The following CEP63 variants were observed in gnomAD, a reference collection of about 807,000 sequenced individuals.
CEP63 encodes the protein centrosomal protein of 63 kDa.
Under a neutral mutation model 89.1 loss-of-function variants are expected in CEP63, and 84 were observed. That is an observed-to-expected ratio of 0.94 (90% CI 0.79 to 1.13). The LOEUF (loss-of-function observed/expected upper bound fraction) is 1.13, where lower values mean the gene tolerates loss of function less well. Ranked by LOEUF, CEP63 falls within the 50% of genes most tolerant of loss-of-function variation. The pLI, the probability that CEP63 is intolerant of heterozygous loss-of-function variation, is 0.00. For missense variants in CEP63, 838 were observed against 813.3 expected, an observed-to-expected ratio of 1.03 and a Z score of -0.37; for synonymous variants, 267 against 272.5, an observed-to-expected ratio of 0.98 and a Z score of 0.20.
At chr3:134,553,328 A>G (rs912437521) in intron 12 of CEP63, 1 of 152,180 alleles carries the variant, frequency 6.6e-6, no homozygotes, top group Non-Finnish European at 1.5e-5. Flanking sequence ...TCATGACGCC[A>G]TAGAGGATTT....
chr3:134,505,869 T>C (rs189038621), intron 2 of CEP63, among the ~76,000 whole-genome samples: 95 of 152,302 alleles, frequency 6.2e-4, no homozygotes, highest in Middle Eastern at 3.4e-3. Context: ...CTCACTGCAG[T>C]TTAAAAAACT....
the CEP63 span, among the ~76,000 whole-genome samples, chr3:134,668,703 G>A: frequency 3.0e-4 from 45 of 152,054 alleles, no homozygotes; most frequent in Non-Finnish European, 6.5e-4. Flanking sequence ...TCTTTTAACT[G>A]AACTCTATGG....
chr3:134,535,794 A>G (rs1950659957), intron 5 of CEP63: 1 of 152,204 alleles, frequency 6.6e-6, no homozygotes, highest in Non-Finnish European at 1.5e-5. Flanking sequence ...CCTCGGAGTC[A>G]TCCTAGACTT....
chr3:134,630,271 G>C, the CEP63 span, among the ~76,000 whole-genome samples: 1 of 152,162 alleles, frequency 6.6e-6, no homozygotes, highest in African/African-American at 2.4e-5. Flanking sequence ...CAGCCCCCAG[G>C]CAATTCTCTT....
At chr3:134,725,479 C>T in the CEP63 span, among the ~76,000 whole-genome samples, 1 of 152,136 alleles carries the variant, frequency 6.6e-6, no homozygotes, top group East Asian at 1.9e-4. Context: ...CACCCAACCC[C>T]CAACAAGAGC....
In CEP63 at chr3:134,547,489, A is replaced by G. The variant is rs1333020195; in HGVS notation, c.1067+17A>G. On this transcript the variant is annotated intron_variant, in intron 9 of 14. Transcript: ENST00000675561. ...TGAAGGCAGGTACATAATTATACAC[A>G]CATTTCAAAAATTTCAAGTTGTTAA... The G allele has an allele frequency of 2.5e-6, 4 of 1,609,898 alleles. No homozygotes were observed. The highest frequency in any genetic ancestry group is 3.4e-6 in the Non-Finnish European group (4 of 1,176,478).
At chr3:134,756,730 A>G in the CEP63 span, among the ~76,000 whole-genome samples, 1 of 152,096 alleles carries the variant, frequency 6.6e-6, no homozygotes, top group Non-Finnish European at 1.5e-5. Flanking sequence ...GCTATCTAAT[A>G]CATTTGAGAA....
At chr3:134,658,770 T>G in the CEP63 span, among the ~76,000 whole-genome samples, 1 of 152,288 alleles carries the variant, frequency 6.6e-6, no homozygotes, top group East Asian at 1.9e-4. Context: ...ATCTGGAGCA[T>G]GAATTTGGGG....
chr3:134,686,464 A>T, the CEP63 span, among the ~76,000 whole-genome samples: 7 of 152,326 alleles, frequency 4.6e-5, no homozygotes, highest in African/African-American at 1.7e-4. Context: ...GGTACTGGCC[A>T]AGAGTCTTCT....
intron 3 of CEP63, among the ~76,000 whole-genome samples, chr3:134,514,018 ATAG>A (rs1434987094): frequency 6.6e-6 from 1 of 152,210 alleles, no homozygotes; most frequent in African/African-American, 2.4e-5. Context: ...CAAAGGAAAA[ATAG>A]TAGAAGCAGC....
At chr3:134,572,248 T>A (rs544601524) in intron 11 of CEP63, among the ~76,000 whole-genome samples, 6 of 152,350 alleles carry the variant, frequency 3.9e-5, no homozygotes, top group South Asian at 2.1e-4. Context: ...AGTCTTTTTT[T>A]AAAAAATAAT....
At chr3:134,625,340 C>T in the CEP63 span, among the ~76,000 whole-genome samples, 50,155 of 152,180 alleles carry the variant, frequency 0.33, 8,622 homozygotes, top group African/African-American at 0.37. Flanking sequence ...TGGCAACTCC[C>T]ATAGTCCTCT....
intron 2 of CEP63, among the ~76,000 whole-genome samples, chr3:134,497,268 A>G (rs1415887634): frequency 2.0e-5 from 3 of 152,240 alleles, no homozygotes; most frequent in African/African-American, 7.2e-5. Flanking sequence ...TTTTAGTTTA[A>G]CTAGGTCCCA....
the CEP63 span, among the ~76,000 whole-genome samples, chr3:134,757,259 C>T: frequency 6.6e-6 from 1 of 152,150 alleles, no homozygotes; most frequent in African/African-American, 2.4e-5. Flanking sequence ...TATCACTTCC[C>T]AGGAAAGAAT....
the CEP63 span, chr3:134,608,457 C>T: frequency 6.6e-7 from 1 of 1,525,218 alleles, no homozygotes; most frequent in Non-Finnish European, 8.8e-7. Context: ...ATGGCCCTTC[C>T]CTGCCCTGAT....
chr3:134,666,676 T>G, the CEP63 span, among the ~76,000 whole-genome samples: 1 of 152,134 alleles, frequency 6.6e-6, no homozygotes, highest in East Asian at 1.9e-4. Flanking sequence ...TCGGAGGTCA[T>G]GACTCAGTCC....
At chr3:134,713,812 C>T in the CEP63 span, among the ~76,000 whole-genome samples, 2 of 152,216 alleles carry the variant, frequency 1.3e-5, no homozygotes, top group East Asian at 3.8e-4. Flanking sequence ...TGCATCTAAA[C>T]CTCACTTGTA....
downstream of CEP63, among the ~76,000 whole-genome samples, chr3:134,578,306 C>T (rs572957372): frequency 4.8e-5 from 7 of 145,534 alleles, no homozygotes; most frequent in East Asian, 1.0e-3. Context: ...TTTTAATAAT[C>T]GTCATTCTGA....
In CEP63 at chr3:134,561,576, C is replaced by T. The variant is rs1320589039; in HGVS notation, c.*41C>T. The T allele has an allele frequency of 1.9e-6, 3 of 1,581,232 alleles. No homozygotes were observed. The highest frequency in any genetic ancestry group is 2.6e-6 in the Non-Finnish European group (3 of 1,161,402). On this transcript the variant is annotated 3_prime_UTR_variant, in exon 15 of 15. Coordinates refer to ENST00000675561, the MANE Select transcript of CEP63 (RefSeq NM_001353108.3). ...ACTATCTTGGAAATAAAAATAAACACCAAAGAGTTACTGTCATCTGAAGTA... is the reference window on the plus strand; with the variant it reads ...ACTATCTTGGAAATAAAAATAAACATCAAAGAGTTACTGTCATCTGAAGTA...
Sources: allele counts gnomAD v4.1 joint callset (sites outside exome capture counted in the v4.1 genomes callset), GRCh38; gene constraint gnomAD v4.1.1; transcripts MANE v1.5; gene names NCBI Gene and HGNC (gene_info 2026-07-23, HGNC 2026-07-21).